HMCN1: variants seen among roughly 807,000 people sequenced by gnomAD.
HMCN1 encodes hemicentin 1, also known as hemicentin-1.
HMCN1 carries 321 observed loss-of-function variants against 625.9 expected under a neutral mutation model. The ratio of observed to expected loss-of-function variants is 0.51; its 90% CI spans 0.47 to 0.56. The LOEUF is 0.56. Among genes scored for constraint, HMCN1 ranks in the 20% least tolerant of loss-of-function variants. The probability of loss-of-function intolerance (pLI) is 0.00; values close to 1 mark genes in which losing one functional copy is unlikely to be tolerated. For missense variants in HMCN1, 6,588 were observed against 6,887.3 expected (o/e 0.96, Z 1.54); for synonymous variants, 2,425 against 2,417.6 (o/e 1.00, Z -0.09).
intron 54 of HMCN1, 121 bp downstream of exon 54, chr1:186,076,743 G>T: frequency 1.1e-6 from 1 of 915,840 alleles, no homozygotes; most frequent in Non-Finnish European, 1.7e-6. Flanking sequence ...CAGTTAGACT[G>T]CTGAATGCCA....
intron 1 of HMCN1, among the ~76,000 whole-genome samples, chr1:185,828,331 T>C (rs1660649790): frequency 6.6e-6 from 1 of 152,146 alleles, no homozygotes; most frequent in East Asian, 1.9e-4. Flanking sequence ...AGGGTCATGG[T>C]CTTGATGTTA....
intron 1 of HMCN1, among the ~76,000 whole-genome samples, chr1:185,770,052 A>G (rs1322503570): frequency 6.6e-6 from 1 of 152,174 alleles, no homozygotes; most frequent in African/African-American, 2.4e-5. Flanking sequence ...TTCAGAGGGT[A>G]TGCATATAGA....
At chr1:185,822,069 G>T (rs1231623541) in intron 1 of HMCN1, among the ~76,000 whole-genome samples, 3 of 152,078 alleles carry the variant, frequency 2.0e-5, no homozygotes, top group Non-Finnish European at 4.4e-5. Flanking sequence ...GGAATGAACA[G>T]GTGGAGCACA....
chr1:186,122,834 G>A (rs1661458912), intron 80 of HMCN1, 117 bp from the exon 81 acceptor site: 1 of 1,078,558 alleles, frequency 9.3e-7, no homozygotes, highest in Non-Finnish European at 1.4e-6. Context: ...CTAATGATAT[G>A]GTGAAGTCAG....
chr1:186,021,497 G>C (rs982333051), intron 35 of HMCN1, among the ~76,000 whole-genome samples: 9 of 152,048 alleles, frequency 5.9e-5, no homozygotes, highest in African/African-American at 2.2e-4. Context: ...TCCAAGGAGA[G>C]AGTAAAGGGT....
chr1:185,919,307 C>T (rs6662653), intron 6 of HMCN1, among the ~76,000 whole-genome samples: 1 of 151,982 alleles, frequency 6.6e-6, no homozygotes, highest in Non-Finnish European at 1.5e-5. Flanking sequence ...TCCCAGCACT[C>T]CTGCAGTTTC....
chr1:185,846,226 C>A, intron 2 of HMCN1, 130 bp downstream of exon 2: 1 of 695,070 alleles, frequency 1.4e-6, no homozygotes. Context: ...TGCCACATCC[C>A]CCAGCCCTCA....
At chr1:185,964,816 A>G (rs975633666) in intron 13 of HMCN1, among the ~76,000 whole-genome samples, 3 of 152,080 alleles carry the variant, frequency 2.0e-5, no homozygotes, top group Non-Finnish European at 4.4e-5. Context: ...GTTGTGGCAA[A>G]GGGCATTTTA....
At chr1:186,146,004 A>C in intron 93 of HMCN1, 81 bp downstream of exon 93, 1 of 1,389,828 alleles carries the variant, frequency 7.2e-7, no homozygotes, top group Non-Finnish European at 1.0e-6. Context: ...TTACAAAACA[A>C]TGCCAACCCT....
rs1453270273 is a variant in HMCN1 at position 185,995,079 on chromosome 1, A to G, written c.3770A>G (p.His1257Arg). The change falls in exon 24 of 107, where the codon CAT becomes CGT. Residue 1257 changes from histidine to arginine, a missense_variant. His to Arg is a conservative substitution (Grantham distance 29). Transcript: ENST00000271588. ...ACTGATGAAACAGAGATAACGCTAC[A>G]TGTCCAAGGTGATTCTTGACACAGG... Reference protein sequence around the residue: ...AGTDETEITLHVQEPPTVEDL... With the variant: ...AGTDETEITLRVQEPPTVEDL... 6.2e-7 allele frequency: 1 copy of G among 1,613,586 alleles called. No homozygotes were observed. The highest frequency in any genetic ancestry group is 8.5e-7 in the Non-Finnish European group (1 of 1,179,616).
rs556441105 is a variant in HMCN1 at position 186,153,242 on chromosome 1, C to G, written c.15018+371C>G. ...ATCTTTGTTTATTCATGACCTATAA[C>G]TTTGAGTCTCTTATTAAACTGAAAT... On this transcript the variant is annotated intron_variant, in intron 96 of 106. Transcript: ENST00000271588. Among the ~76,000 whole-genome samples the G allele has an allele frequency of 2.0e-5, 3 of 152,200 alleles. No individual in the cohort carries two copies. The East Asian group carries it at 5.8e-4, about 29-fold the overall frequency.
At chr1:186,114,720 T>G in intron 73 of HMCN1, 99 bp from the exon 74 acceptor site, 21 of 1,399,338 alleles carry the variant, frequency 1.5e-5, no homozygotes, top group Non-Finnish European at 2.1e-5. Context: ...GGAAAAATAC[T>G]GAATGGATTT....
At chr1:185,977,291 G>A (rs1449276881) in intron 15 of HMCN1, among the ~76,000 whole-genome samples, 1 of 151,952 alleles carries the variant, frequency 6.6e-6, no homozygotes, top group Non-Finnish European at 1.5e-5. Flanking sequence ...TATTGAACAA[G>A]GATATAATTT....
chr1:186,039,687 C>T, intron 38 of HMCN1, 41 bp from the exon 39 acceptor site: 2 of 1,589,562 alleles, frequency 1.3e-6, no homozygotes, highest in Non-Finnish European at 1.7e-6. Context: ...ATCACAAATC[C>T]TGTGATATTA....
intron 42 of HMCN1, among the ~76,000 whole-genome samples, chr1:186,049,919 A>G (rs933661506): frequency 2.6e-5 from 4 of 151,942 alleles, no homozygotes; most frequent in Non-Finnish European, 5.9e-5. Context: ...ACTATTAAAT[A>G]GTAAAAGTTA....
At chr1:185,746,623 G>A (rs944444939) in intron 1 of HMCN1, among the ~76,000 whole-genome samples, 1 of 37,176 alleles carries the variant, frequency 2.7e-5, no homozygotes, top group Non-Finnish European at 5.5e-5. Context: ...TTTTTTTTTT[G>A]TGAGACAGTC....
chr1:186,188,329 T>C (rs550737687), intron 106 of HMCN1, among the ~76,000 whole-genome samples: 4 of 152,178 alleles, frequency 2.6e-5, no homozygotes, highest in Admixed American at 2.6e-4. Context: ...TTCTTTAAAG[T>C]TTTTCATTTC....
intron 1 of HMCN1, among the ~76,000 whole-genome samples, chr1:185,829,859 AC>A (rs1297056005): frequency 6.6e-6 from 1 of 152,176 alleles, no homozygotes; most frequent in East Asian, 1.9e-4. Flanking sequence ...GAACACTCCC[AC>A]CAACAGTGTA....
rs1362242654 is a variant in HMCN1 at position 186,074,591 on chromosome 1, T to C, written c.8140-150T>C. On this transcript the variant is annotated intron_variant, in intron 52 of 106. Transcript: ENST00000271588. ...AAACAATGAGTTTAATCAAAGTAAA[T>C]CAATTATTTTGATTAAACTATTGTC... 5 of 686,772 alleles carry C rather than the reference T, an allele frequency of 7.3e-6. No homozygotes were observed. The East Asian group carries it at 1.4e-4, about 19-fold the overall frequency. 42.5% of individuals were successfully genotyped at this position (686,772 alleles called of 1,614,324 possible).
Sources: gnomAD v4.1 joint callset for allele counts (sites outside exome capture counted in the v4.1 genomes callset) on GRCh38, gnomAD v4.1.1 for gene constraint, MANE v1.5 for transcripts, NCBI Gene and HGNC (gene_info 2026-07-23, HGNC 2026-07-21) for gene names.